The following C12orf75 variants were observed in gnomAD, a reference collection of about 807,000 sequenced individuals.
C12orf75 encodes the protein chromosome 12 open reading frame 75, also known as overexpressed in colon carcinoma 1 protein.
Under a neutral mutation model 11.4 loss-of-function variants are expected in C12orf75, and 4 were observed. The observed-to-expected ratio is 0.35, with a 90% CI of 0.17 to 0.80. The LOEUF (loss-of-function observed/expected upper bound fraction) is 0.80. Ranked by LOEUF, C12orf75 falls within the 30% of genes least tolerant of loss-of-function variation. The probability of loss-of-function intolerance (pLI) is 0.52; values close to 1 mark genes in which losing one functional copy is unlikely to be tolerated. For synonymous variants in C12orf75, 30 were observed against 30.0 expected (o/e 1.00, Z 0.00); for missense variants, 89 against 80.4 (o/e 1.11, Z -0.41).
At chr12:105,364,331 ACAAT>A (rs978772692) in intron 2 of C12orf75, among the ~76,000 whole-genome samples, 80 of 152,384 alleles carry the variant, frequency 5.2e-4, no homozygotes, top group African/African-American at 1.8e-3. Flanking sequence ...AACTAAAAAA[ACAAT>A]CCAGCGTTAA....
At chr12:105,357,807 T>TGA (rs1296757750) in intron 2 of C12orf75, among the ~76,000 whole-genome samples, 4,304 of 122,870 alleles carry the variant, frequency 0.035, 93 homozygotes, top group Non-Finnish European at 0.053. Flanking sequence ...TGTGTGTGTG[T>TGA]GAGAGAGAGA....
At chr12:105,348,201 G>T (rs954547949) in intron 1 of C12orf75, among the ~76,000 whole-genome samples, 5 of 152,098 alleles carry the variant, frequency 3.3e-5, no homozygotes. Flanking sequence ...GATTGCTTAA[G>T]CCCAGGAGTT....
At chr12:105,334,147 G>C (rs1348193304) in intron 1 of C12orf75, among the ~76,000 whole-genome samples, 3 of 152,152 alleles carry the variant, frequency 2.0e-5, no homozygotes, top group Non-Finnish European at 4.4e-5. Flanking sequence ...GATAATTCTG[G>C]GTAGACTTGC....
chr12:105,361,591 G>T (rs759815333), intron 2 of C12orf75, among the ~76,000 whole-genome samples: 1 of 152,188 alleles, frequency 6.6e-6, no homozygotes, highest in Non-Finnish European at 1.5e-5. Flanking sequence ...AATAACCTGA[G>T]GCAATCGCAT....
At chr12:105,331,591 AACACACACACAC>A (rs71440581) in intron 1 of C12orf75, among the ~76,000 whole-genome samples, 1 of 149,174 alleles carries the variant, frequency 6.7e-6, no homozygotes, top group Admixed American at 6.7e-5. Context: ...CTTTTCATTA[AACACACACACAC>A]ACACACACAC....
In C12orf75 at chr12:105,334,545, G is replaced by T. The variant is rs138416185; in HGVS notation, c.46+3608G>T. On this transcript the variant is annotated intron_variant, in intron 1 of 5. Coordinates refer to ENST00000443585, the MANE Select transcript of C12orf75 (RefSeq NM_001145199.2). ...CATCACTCTCTCAAGGTAGGAATTTGATTTTTCCCAACCTGCAACTATATA... is the reference window on the plus strand; with the variant it reads ...CATCACTCTCTCAAGGTAGGAATTTTATTTTTCCCAACCTGCAACTATATA... 6.7e-4 allele frequency among the ~76,000 whole-genome samples: 102 copies of T among 152,298 alleles called. 1 individual carries two copies. The highest frequency in any genetic ancestry group is 2.4e-3 in the African/African-American group (98 of 41,560).
At chr12:105,352,228 G>T (rs1034664907) in intron 2 of C12orf75, among the ~76,000 whole-genome samples, 1 of 152,120 alleles carries the variant, frequency 6.6e-6, no homozygotes, top group African/African-American at 2.4e-5. Context: ...GTGTCATGAT[G>T]GCCACATTGG....
In C12orf75 at chr12:105,330,813, G is replaced by A. The variant is rs1161918554; in HGVS notation, c.-79G>A. On this transcript the variant is annotated 5_prime_UTR_variant, in exon 1 of 6. Coordinates refer to ENST00000443585, the MANE Select transcript of C12orf75 (RefSeq NM_001145199.2). ...CCCGTCAGCCTCCCGCTCGGGGTGC[G>A]CCGCCCTTCGTCTGGGTCTCCGCCC... 8.2e-6 allele frequency: 10 copies of A among 1,215,492 alleles called. No homozygotes were observed. Among genetic ancestry groups the A allele is most frequent in the South Asian group, 7.5e-5 (2 of 26,794 alleles). 75.3% of individuals were successfully genotyped at this position (1,215,492 alleles called of 1,614,324 possible).
intron 2 of C12orf75, among the ~76,000 whole-genome samples, chr12:105,365,204 T>G (rs1871430878): frequency 6.6e-6 from 1 of 152,288 alleles, no homozygotes; most frequent in African/African-American, 2.4e-5. Context: ...AAATGTATCC[T>G]TTTAAATATT....
intron 2 of C12orf75, among the ~76,000 whole-genome samples, chr12:105,355,461 C>A (rs916928325): frequency 2.0e-5 from 3 of 152,160 alleles, no homozygotes; most frequent in Admixed American, 1.3e-4. Flanking sequence ...TGCCACTGCA[C>A]GTGGCCATTT....
At chr12:105,353,535 G>C (rs1397760040) in intron 2 of C12orf75, 1 of 152,086 alleles carries the variant, frequency 6.6e-6, no homozygotes, top group East Asian at 1.9e-4. Context: ...GAAGAGGGGT[G>C]ATTCCCCACG....
chr12:105,332,577 CA>C (rs1410713591), intron 1 of C12orf75, among the ~76,000 whole-genome samples: 1 of 151,804 alleles, frequency 6.6e-6, no homozygotes, highest in Non-Finnish European at 1.5e-5. Flanking sequence ...ACTAAAAATA[CA>C]AAATTAGCTG....
At chr12:105,339,372 G>A (rs1003373341) in intron 1 of C12orf75, among the ~76,000 whole-genome samples, 3 of 145,840 alleles carry the variant, frequency 2.1e-5, no homozygotes, top group Non-Finnish European at 4.5e-5. Context: ...TGAAAGAAGA[G>A]TGCTTTTTAA....
chr12:105,331,034 T>A, intron 1 of C12orf75, 97 bp downstream of exon 1: 1 of 760,578 alleles, frequency 1.3e-6, no homozygotes, highest in Non-Finnish European at 1.8e-6. Flanking sequence ...CGCAGCCCCC[T>A]CTCCCCGTCC....
intron 2 of C12orf75, among the ~76,000 whole-genome samples, chr12:105,358,626 G>A (rs552221630): frequency 2.0e-5 from 3 of 152,296 alleles, no homozygotes; most frequent in Non-Finnish European, 4.4e-5. Context: ...TTTTTCAAAT[G>A]TTGCATTACT....
intron 2 of C12orf75, among the ~76,000 whole-genome samples, chr12:105,349,003 TG>T (rs765372008): frequency 5.3e-5 from 8 of 152,216 alleles, no homozygotes; most frequent in Non-Finnish European, 7.3e-5. Context: ...GAGGAAAGGC[TG>T]GGGCCAAGCA....
intron 1 of C12orf75, among the ~76,000 whole-genome samples, chr12:105,342,593 C>T (rs1054393549): frequency 1.3e-5 from 2 of 152,252 alleles, no homozygotes; most frequent in African/African-American, 4.8e-5. Context: ...TTAACTCAAT[C>T]TCCAGCCTCT....
At chr12:105,357,829 A>AAT (rs1566140838) in intron 2 of C12orf75, among the ~76,000 whole-genome samples, 96 of 142,526 alleles carry the variant, frequency 6.7e-4, no homozygotes, top group African/African-American at 2.3e-3. Flanking sequence ...AGAGAGAGAG[A>AAT]GGAGAGAGAG....
intron 1 of C12orf75, 92 bp downstream of exon 1, chr12:105,331,029 C>T (rs533900795): frequency 1.4e-5 from 11 of 785,050 alleles, no homozygotes; most frequent in Middle Eastern, 4.3e-4. Flanking sequence ...GGGCGCGCAG[C>T]CCCCTCTCCC....
Sources: allele counts gnomAD v4.1 joint callset (sites outside exome capture counted in the v4.1 genomes callset), GRCh38; gene constraint gnomAD v4.1.1; transcripts MANE v1.5; gene names NCBI Gene and HGNC (gene_info 2026-07-23, HGNC 2026-07-21).